Variants in EGFR observed in about 807,000 individuals in gnomAD.
EGFR encodes epidermal growth factor receptor.
Under a neutral mutation model 143.0 loss-of-function variants are expected in EGFR, and 58 were observed. The ratio of observed to expected loss-of-function variants is 0.41; its 90% CI spans 0.33 to 0.50. The LOEUF (loss-of-function observed/expected upper bound fraction) is 0.50. Among genes scored for constraint, EGFR ranks in the 20% least tolerant of loss-of-function variants. The pLI is 0.39. For synonymous variants in EGFR, 613 were observed against 594.4 expected (o/e 1.03, Z -0.45); for missense variants, 1,307 against 1,579.0 (o/e 0.83, Z 2.92).
At chr7:55,124,638 T>G (rs1191147356) in intron 1 of EGFR, among the ~76,000 whole-genome samples, 1 of 152,214 alleles carries the variant, frequency 6.6e-6, no homozygotes, top group Non-Finnish European at 1.5e-5. Context: ...CCAGCCAAGA[T>G]GACAACAGTC....
intron 5 of EGFR, among the ~76,000 whole-genome samples, chr7:55,151,904 A>C (rs1785177731): frequency 6.6e-6 from 1 of 152,044 alleles, no homozygotes; most frequent in Non-Finnish European, 1.5e-5. Context: ...AACAACAATA[A>C]GTGAACATCA....
chr7:55,194,094 A>G (rs1208731463), intron 22 of EGFR, among the ~76,000 whole-genome samples: 3 of 152,088 alleles, frequency 2.0e-5, no homozygotes, highest in African/African-American at 7.2e-5. Flanking sequence ...GTCCTGCCCC[A>G]AGCCATTTAT....
In EGFR at chr7:55,048,355, G is replaced by A. The variant is rs534831253; in HGVS notation, c.88+28990G>A. ...TACTGATTCTTACAGAGTTACAAGC[G>A]CTGGTGAGGTTGGCGAAGTTTAGGT... is the stretch of plus-strand genomic sequence containing the variant. On this transcript the variant is annotated intron_variant, in intron 1 of 27. Coordinates refer to ENST00000275493, the MANE Select transcript of EGFR (RefSeq NM_005228.5). Among the ~76,000 whole-genome samples the A allele has an allele frequency of 5.3e-5, 8 of 152,278 alleles. No individual in the cohort carries two copies. The South Asian group carries it at 6.2e-4, about 12-fold the overall frequency.
rs770564634 is a variant in EGFR, at chr7:55,101,520, C to T, written c.89-40766C>T. Among the ~76,000 whole-genome samples the T allele has an allele frequency of 3.9e-5, 6 of 152,342 alleles. No individual in the cohort carries two copies. The South Asian group carries it at 6.2e-4, about 16-fold the overall frequency. On this transcript the variant is annotated intron_variant, in intron 1 of 27. Transcript: ENST00000275493. ...CTGTCACGAATCCATGAAATCCTAT[C>T]AGCCAGCCTGCATACTTCCTTTTAA...
chr7:55,171,925 G>A (rs1298073938), intron 16 of EGFR, among the ~76,000 whole-genome samples: 1 of 152,094 alleles, frequency 6.6e-6, no homozygotes, highest in African/African-American at 2.4e-5. Context: ...CCTCACCACT[G>A]CCCTTCCTTC....
intron 15 of EGFR, chr7:55,168,498 C>T (rs2128949387): frequency 7.5e-7 from 1 of 1,327,630 alleles, no homozygotes; most frequent in Non-Finnish European, 1.1e-6. Flanking sequence ...GGTCATTTTT[C>T]TAATGTCTTT....
At chr7:55,160,452 A>G in intron 12 of EGFR, 114 bp downstream of exon 12, 1 of 1,125,680 alleles carries the variant, frequency 8.9e-7, no homozygotes, top group Non-Finnish European at 1.3e-6. Context: ...GTTCCTTAAG[A>G]AGCAAATTAA....
At chr7:55,091,095 A>G (rs1791081047) in intron 1 of EGFR, among the ~76,000 whole-genome samples, 2 of 152,334 alleles carry the variant, frequency 1.3e-5, no homozygotes, top group South Asian at 4.1e-4. Context: ...CTGAGTTGGC[A>G]AGTGATAGTG....
intron 19 of EGFR, among the ~76,000 whole-genome samples, chr7:55,177,580 C>G (rs1039667636): frequency 6.6e-6 from 1 of 152,210 alleles, no homozygotes; most frequent in Non-Finnish European, 1.5e-5. Flanking sequence ...GTACACCTCT[C>G]CTTAAGGAGT....
chr7:55,073,486 G>A (rs538259909), intron 1 of EGFR, among the ~76,000 whole-genome samples: 60 of 152,306 alleles, frequency 3.9e-4, no homozygotes, highest in African/African-American at 1.3e-3. Context: ...ATACAGACAC[G>A]TTACCAGAAA....
At chr7:55,158,660 G>A (rs954050441) in intron 11 of EGFR, among the ~76,000 whole-genome samples, 1 of 152,232 alleles carries the variant, frequency 6.6e-6, no homozygotes, top group Non-Finnish European at 1.5e-5. Flanking sequence ...ATTTAAACAA[G>A]ATAAGGGTTA....
rs752280436 is a variant in EGFR, at chr7:55,142,266, T to C, written c.89-20T>C. The C allele has an allele frequency of 6.2e-7, 1 of 1,614,138 alleles. No individual in the cohort carries two copies. The highest frequency in any genetic ancestry group is 1.1e-5 in the South Asian group (1 of 91,078). Reference sequence around the variant, plus strand: ...CTGCATTTCTCAGTATTTCATGTGATATCTGTCTTTTTCTTCCAGTTTGCC... The same window carrying C: ...CTGCATTTCTCAGTATTTCATGTGACATCTGTCTTTTTCTTCCAGTTTGCC... On this transcript the variant is annotated intron_variant, in intron 1 of 27. Transcript: ENST00000275493.
At chr7:55,197,610 A>G (rs943539628) in intron 22 of EGFR, among the ~76,000 whole-genome samples, 1 of 152,204 alleles carries the variant, frequency 6.6e-6, no homozygotes, top group Non-Finnish European at 1.5e-5. Flanking sequence ...AATGTTTTCA[A>G]CTTTTGCCCA....
chr7:55,157,513 C>G, intron 10 of EGFR, 150 bp from the exon 11 acceptor site: 1 of 741,682 alleles, frequency 1.3e-6, no homozygotes, highest in South Asian at 1.5e-5. Flanking sequence ...CATGTACACT[C>G]AGAGAAGATG....
intron 20 of EGFR, 87 bp from the exon 21 acceptor site, chr7:55,191,632 G>A (rs2128964167): frequency 1.9e-6 from 3 of 1,581,394 alleles, no homozygotes; most frequent in Non-Finnish European, 2.6e-6. Context: ...GAGGCTCAGA[G>A]CCTGGCATGA....
chr7:55,021,632 A>G (rs575551882), intron 1 of EGFR, among the ~76,000 whole-genome samples: 6 of 152,348 alleles, frequency 3.9e-5, no homozygotes, highest in Admixed American at 1.3e-4. Context: ...AGCTCTTTTA[A>G]CAGAAATTTG....
At chr7:55,178,018 C>T (rs1006698364) in intron 19 of EGFR, among the ~76,000 whole-genome samples, 2 of 152,162 alleles carry the variant, frequency 1.3e-5, no homozygotes, top group Non-Finnish European at 2.9e-5. Flanking sequence ...TAGGATGGGG[C>T]CTGGCGGGGC....
In EGFR at chr7:55,209,647, A is replaced by G. The variant is rs1427021959; in HGVS notation, c.*4030A>G. 6.6e-6 allele frequency: 1 copy of G among 152,254 alleles called. No individual in the cohort carries two copies. The highest frequency in any genetic ancestry group is 1.9e-4 in the East Asian group (1 of 5,200). 9.4% of individuals were successfully genotyped at this position (152,254 alleles called of 1,614,324 possible). A position where few individuals can be genotyped will look rare whatever the true frequency, so the allele number is the denominator to read the frequency against. ...TGGGGGCTGTAAAACCTTACAGAACAGAAATCCTTGCCTCTTTCACCAGCC... is the reference window on the plus strand; with the variant it reads ...TGGGGGCTGTAAAACCTTACAGAACGGAAATCCTTGCCTCTTTCACCAGCC... On this transcript the variant is annotated 3_prime_UTR_variant, in exon 28 of 28. Transcript: ENST00000275493.
chr7:55,166,838 T>TGA (rs1786038165), intron 15 of EGFR, among the ~76,000 whole-genome samples: 1 of 62,946 alleles, frequency 1.6e-5, no homozygotes, highest in Non-Finnish European at 3.3e-5. Context: ...GGTGGCAGTG[T>TGA]TGGTGGTGAG....
Sources: allele counts gnomAD v4.1 joint callset (sites outside exome capture counted in the v4.1 genomes callset), GRCh38; gene constraint gnomAD v4.1.1; transcripts MANE v1.5; gene names NCBI Gene and HGNC (gene_info 2026-07-23, HGNC 2026-07-21).